The following NELL1 variants were observed in gnomAD, a reference collection of about 807,000 sequenced individuals.
NELL1 encodes the protein protein kinase C-binding protein NELL1.
In NELL1, 76 loss-of-function variants were observed where a neutral mutation model predicts 107.4. The observed-to-expected ratio is 0.71, with a 90% CI of 0.59 to 0.86. The LOEUF is 0.86. Among genes scored for constraint, NELL1 ranks in the 40% least tolerant of loss-of-function variants. The probability of loss-of-function intolerance (pLI) is 0.00; values close to 1 mark genes in which losing one functional copy is unlikely to be tolerated. For missense variants in NELL1, 1,024 were observed against 1,005.5 expected, an observed-to-expected ratio of 1.02 and a Z score of -0.25; for synonymous variants, 353 against 341.2, an observed-to-expected ratio of 1.03 and a Z score of -0.38.
intron 2 of NELL1, among the ~76,000 whole-genome samples, chr11:20,701,880 G>A (rs1004327926): frequency 6.6e-6 from 1 of 152,052 alleles, no homozygotes; most frequent in African/African-American, 2.4e-5. Context: ...CTCTGTTTTG[G>A]TACCAGTACC....
At chr11:21,329,769 G>C (rs1850230639) in intron 14 of NELL1, among the ~76,000 whole-genome samples, 1 of 151,228 alleles carries the variant, frequency 6.6e-6, no homozygotes, top group South Asian at 2.1e-4. Flanking sequence ...ATTCCTCTAG[G>C]GCTTACCATA....
At chr11:21,096,033 C>T (rs913745035) in intron 12 of NELL1, among the ~76,000 whole-genome samples, 1 of 152,088 alleles carries the variant, frequency 6.6e-6, no homozygotes, top group African/African-American at 2.4e-5. Flanking sequence ...AAAGTCTTGC[C>T]CCCATGATTC....
chr11:21,465,623 T>A (rs996484507), intron 15 of NELL1, among the ~76,000 whole-genome samples: 26 of 152,112 alleles, frequency 1.7e-4, no homozygotes, highest in Admixed American at 5.9e-4. Context: ...ATTCACCTTT[T>A]TAAAAATTAT....
At chr11:20,871,472 A>T (rs955078427) in intron 4 of NELL1, among the ~76,000 whole-genome samples, 1 of 152,174 alleles carries the variant, frequency 6.6e-6, no homozygotes, top group African/African-American at 2.4e-5. Flanking sequence ...TTATCTATCT[A>T]TGTATCTATC....
intron 3 of NELL1, among the ~76,000 whole-genome samples, chr11:20,810,801 C>A (rs972364579): frequency 2.6e-5 from 4 of 151,986 alleles, no homozygotes; most frequent in Admixed American, 6.6e-5. Context: ...ACACTCTTTT[C>A]TATAGCAGCA....
At chr11:21,459,548 A>G (rs1440631951) in intron 15 of NELL1, among the ~76,000 whole-genome samples, 1 of 151,932 alleles carries the variant, frequency 6.6e-6, no homozygotes, top group African/African-American at 2.4e-5. Flanking sequence ...ACTGAATTGG[A>G]AAGTTGATAC....
chr11:20,889,785 C>T (rs1849581151), intron 5 of NELL1, among the ~76,000 whole-genome samples: 1 of 152,146 alleles, frequency 6.6e-6, no homozygotes, highest in Admixed American at 6.5e-5. Context: ...AGGGGAGCCC[C>T]CTCCCTGCAG....
At position 21,179,862 on chromosome 11, in the gene NELL1, CTTTTTTTTT is replaced by C. The variant is rs1164420669; in HGVS notation, c.1427-49453_1427-49445del. 1.0e-3 allele frequency among the ~76,000 whole-genome samples: 76 copies of C among 75,708 alleles called. 3 individuals are homozygous for C. Among genetic ancestry groups the C allele is most frequent in the Middle Eastern group, 0.026 (2 of 78 alleles). The allele number at this position is 75,708 out of a possible 152,430, so 49.7% of individuals were successfully genotyped here. On this transcript the variant is annotated intron_variant, in intron 13 of 19. Coordinates refer to ENST00000357134, the MANE Select transcript of NELL1 (RefSeq NM_006157.5). ...AAGGTTTAGGACAGAAATCAACACA[CTTTTTTTTT>C]TTTTTTTTTTTTTTTTGTAAAGGTC...
intron 12 of NELL1, among the ~76,000 whole-genome samples, chr11:21,092,802 G>A (rs1854551350): frequency 6.6e-6 from 1 of 152,202 alleles, no homozygotes; most frequent in Admixed American, 6.5e-5. Flanking sequence ...AGACCTGAGA[G>A]CTAGAGAACT....
chr11:21,066,472 A>C (rs1402877765), intron 12 of NELL1, among the ~76,000 whole-genome samples: 1 of 152,246 alleles, frequency 6.6e-6, no homozygotes, highest in Admixed American at 6.5e-5. Context: ...CTAGGGATTT[A>C]GACTTTTCAA....
At chr11:21,139,977 T>A (rs1487312217) in intron 13 of NELL1, among the ~76,000 whole-genome samples, 1 of 152,112 alleles carries the variant, frequency 6.6e-6, no homozygotes, top group Admixed American at 6.6e-5. Context: ...TTGAGATGAG[T>A]GTCAAGAACA....
intron 14 of NELL1, among the ~76,000 whole-genome samples, chr11:21,305,282 G>T (rs1317775688): frequency 1.3e-5 from 2 of 152,002 alleles, no homozygotes; most frequent in East Asian, 3.9e-4. Flanking sequence ...TGAGAAAAAT[G>T]TGCAGATGCA....
At position 20,689,079 on chromosome 11, in the gene NELL1, GAA is replaced by G. The variant is rs1854383175; in HGVS notation, c.184+11022_184+11023del. 1.3e-5 allele frequency among the ~76,000 whole-genome samples: 2 copies of G among 151,908 alleles called. 1 individual carries two copies. The highest frequency in any genetic ancestry group is 4.1e-4 in the South Asian group (2 of 4,822). On this transcript the variant is annotated intron_variant, in intron 2 of 19. Coordinates refer to ENST00000357134, the MANE Select transcript of NELL1 (RefSeq NM_006157.5). Reference sequence around the variant, plus strand: ...GCTTATATGTCTTCTTTCTTCTTTTGAAAAGTGTTTGTTCATGTCATTTGCTC... The same window carrying G: ...GCTTATATGTCTTCTTTCTTCTTTTGAAGTGTTTGTTCATGTCATTTGCTC...
chr11:21,279,510 A>T (rs921000974), intron 14 of NELL1, among the ~76,000 whole-genome samples: 9 of 152,206 alleles, frequency 5.9e-5, no homozygotes, highest in Non-Finnish European at 1.0e-4. Context: ...GATGCTCAAC[A>T]TTTTATGTTA....
rs866756166 is a variant in NELL1, at chr11:21,546,615, C to T, written c.1786+12101C>T. On this transcript the variant is annotated intron_variant, in intron 16 of 19. Coordinates refer to ENST00000357134, the MANE Select transcript of NELL1 (RefSeq NM_006157.5). ...CCCCTGCACACACTCTATTGCCTGC[C>T]GCCATGTAAGAGGTGCCTTTGCTCT... Among the ~76,000 whole-genome samples the T allele has an allele frequency of 2.3e-4, 35 of 151,988 alleles. No individual in the cohort carries two copies. The Middle Eastern group carries it at 0.01, about 44-fold the overall frequency.
chr11:21,052,321 A>T (rs181821118), intron 12 of NELL1, among the ~76,000 whole-genome samples: 4 of 152,108 alleles, frequency 2.6e-5, no homozygotes, highest in Admixed American at 2.6e-4. Flanking sequence ...GTCTGAACTG[A>T]ACAGTCACAT....
intron 15 of NELL1, among the ~76,000 whole-genome samples, chr11:21,416,657 T>C (rs921018548): frequency 6.6e-6 from 1 of 152,086 alleles, no homozygotes; most frequent in Admixed American, 6.6e-5. Context: ...TTCCAACCAC[T>C]GCTAAAACAC....
chr11:21,113,691 G>A lies in NELL1; in HGVS notation c.1403G>A (p.Arg468His), dbSNP rs77273497. 204 of 1,611,770 alleles carry A rather than the reference G, an allele frequency of 1.3e-4. No individual in the cohort carries two copies. The African/African-American group carries it at 1.8e-3, about 14-fold the overall frequency. ...YRCDCVPGYI[R>H]VDDFSCTEHD... is the part of the protein sequence containing the mutation. ...TGTGACTGTGTCCCAGGATACATTC[G>A]TGTGGATGACTTCTCTTGTACAGGT... The change falls in exon 13 of 20, where the codon CGT (arginine) becomes CAT (histidine). Residue 468 changes from arginine to histidine, a missense_variant. Transcript: ENST00000357134.
chr11:21,433,953 T>C (rs1308510317), intron 15 of NELL1, among the ~76,000 whole-genome samples: 1 of 152,040 alleles, frequency 6.6e-6, no homozygotes, highest in African/African-American at 2.4e-5. Context: ...GAGATTACAG[T>C]TGTGAGCCAC....
Sources: gnomAD v4.1 joint callset for allele counts (sites outside exome capture counted in the v4.1 genomes callset) on GRCh38, gnomAD v4.1.1 for gene constraint, MANE v1.5 for transcripts, NCBI Gene and HGNC (gene_info 2026-07-23, HGNC 2026-07-21) for gene names.